The following KICS2 variants were observed in gnomAD, a reference collection of about 807,000 sequenced individuals.
KICS2 encodes KICSTOR complex protein C12orf66.
KICS2 carries 13 observed loss-of-function variants against 31.4 expected under a neutral mutation model. The ratio of observed to expected loss-of-function variants is 0.41; its 90% CI spans 0.27 to 0.66. The LOEUF is 0.66. KICS2 is among the 30% of genes least tolerant of loss of function. The pLI is 0.28. For missense variants in KICS2, 455 were observed against 545.4 expected, an observed-to-expected ratio of 0.83 and a Z score of 1.65; for synonymous variants, 209 against 214.8, an observed-to-expected ratio of 0.97 and a Z score of 0.24.
intron 1 of KICS2, 59 bp downstream of exon 1, chr12:64,221,944 T>TG: frequency 6.6e-7 from 1 of 1,517,248 alleles, no homozygotes; most frequent in Middle Eastern, 1.9e-4. Context: ...CACTGCCGAC[T>TG]GGGGAATATA....
chr12:64,201,751 G>A (rs368874622), intron 2 of KICS2, among the ~76,000 whole-genome samples: 4 of 150,944 alleles, frequency 2.6e-5, no homozygotes, highest in African/African-American at 9.7e-5. Flanking sequence ...GCTGAGGCAC[G>A]AGAATTGCTT....
chr12:64,194,179 T>C lies in KICS2; in HGVS notation c.1001A>G (p.His334Arg). ...ACCCTTGGGGGCCTCTCTGTAGGAA[T>C]GGGGGTGGTGATAACCATGACCCTG... ...SFQGHGYHHP[H>R]SYREAPKGVD... Residue 334 changes from histidine (H) to arginine (R), a missense_variant, in exon 3 of 3, where the codon CAT becomes CGT. Transcript: ENST00000398055. 3.1e-6 allele frequency: 5 copies of C among 1,614,134 alleles called. No homozygotes were observed. Among genetic ancestry groups the C allele is most frequent in the Non-Finnish European group, 4.2e-6 (5 of 1,180,022 alleles).
Position 64,191,694 on chromosome 12 carries a change from A to G in KICS2, c.*2148T>C, listed in dbSNP as rs1176894047. On this transcript the variant is annotated 3_prime_UTR_variant, in exon 3 of 3. Coordinates refer to ENST00000398055, the MANE Select transcript of KICS2 (RefSeq NM_152440.5). ...AATCTGCTGAGACTTTTTTTATAGA[A>G]CCTGAGTGAATAAAATGCAGAGGTA... 6 of 152,136 alleles carry G rather than the reference A, an allele frequency of 3.9e-5. No homozygotes were observed. Among genetic ancestry groups the G allele is most frequent in the African/African-American group, 1.4e-4 (6 of 41,416 alleles). 9.4% of individuals were successfully genotyped at this position (152,136 alleles called of 1,614,324 possible). A position where few individuals can be genotyped will look rare whatever the true frequency, so the allele number is the denominator to read the frequency against.
At chr12:64,207,236 G>A (rs1352785221) in intron 2 of KICS2, among the ~76,000 whole-genome samples, 4 of 148,202 alleles carry the variant, frequency 2.7e-5, no homozygotes, top group African/African-American at 1.0e-4. Flanking sequence ...CCCAGGAGGT[G>A]GAGGTTGCAG....
chr12:64,219,211 T>C (rs747793167), intron 1 of KICS2, among the ~76,000 whole-genome samples: 2 of 152,174 alleles, frequency 1.3e-5, no homozygotes, highest in Non-Finnish European at 2.9e-5. Flanking sequence ...TTTTTAAACA[T>C]CAGTTCTCAA....
chr12:64,189,989 T>C (rs985765969), downstream of KICS2, among the ~76,000 whole-genome samples: 9 of 152,110 alleles, frequency 5.9e-5, no homozygotes, highest in Admixed American at 4.6e-4. Context: ...GAAATCATAA[T>C]ATAGGAGAAC....
chr12:64,193,308 C>T lies in KICS2; in HGVS notation c.*534G>A, dbSNP rs1369351490. ...TCAATAACTGATAGAAATTTCTTAC[C>T]AAGACCCTAATTTTGGCATCAAAAA... On this transcript the variant is annotated 3_prime_UTR_variant, in exon 3 of 3. Coordinates refer to ENST00000398055, the MANE Select transcript of KICS2 (RefSeq NM_152440.5). The T allele has an allele frequency of 4.1e-5, 40 of 985,580 alleles. No homozygotes were observed. Among genetic ancestry groups the T allele is most frequent in the Non-Finnish European group, 4.8e-5 (40 of 830,196 alleles). The allele number at this position is 985,580 out of a possible 1,614,324, so 61.1% of individuals were successfully genotyped here. A position where few individuals can be genotyped will look rare whatever the true frequency, so the allele number is the denominator to read the frequency against.
At chr12:64,211,889 A>G (rs1464057624) in intron 2 of KICS2, among the ~76,000 whole-genome samples, 1 of 152,260 alleles carries the variant, frequency 6.6e-6, no homozygotes, top group African/African-American at 2.4e-5. Context: ...ATACAACGGC[A>G]GAAAATCAGT....
In KICS2 at chr12:64,192,529, G is replaced by A. The variant is rs2279740; in HGVS notation, c.*1313C>T. The A allele has an allele frequency of 0.28, 243,680 of 858,818 alleles. 35,181 individuals are homozygous for A. The highest frequency in any genetic ancestry group is 0.46 in the East Asian group (3,781 of 8,158). 53.2% of individuals were successfully genotyped at this position (858,818 alleles called of 1,614,324 possible). ...TGCTGATGTTGCTGGCATACCTGCTGTGGACACCCAGTAAAACAGTGGCTC... is the reference window on the plus strand; with the variant it reads ...TGCTGATGTTGCTGGCATACCTGCTATGGACACCCAGTAAAACAGTGGCTC... On this transcript the variant is annotated 3_prime_UTR_variant, in exon 3 of 3. Transcript: ENST00000398055.
chr12:64,220,243 G>A (rs1368132339), intron 1 of KICS2, among the ~76,000 whole-genome samples: 1 of 152,068 alleles, frequency 6.6e-6, no homozygotes, highest in East Asian at 1.9e-4. Flanking sequence ...TGCCAGCTGG[G>A]GTTCAAGCAG....
At chr12:64,213,576 C>A (rs1487735859) in intron 2 of KICS2, among the ~76,000 whole-genome samples, 10 of 152,174 alleles carry the variant, frequency 6.6e-5, no homozygotes, top group South Asian at 2.1e-4. Flanking sequence ...CACCTCCCCC[C>A]CTTTTCCTAC....
chr12:64,207,822 T>C (rs1168143245), intron 2 of KICS2, among the ~76,000 whole-genome samples: 1 of 152,200 alleles, frequency 6.6e-6, no homozygotes, highest in Non-Finnish European at 1.5e-5. Context: ...GCAGACTTAT[T>C]GTGGCAATAG....
intron 1 of KICS2, among the ~76,000 whole-genome samples, chr12:64,216,179 T>TTATGATAATCATAAATAC (rs543021671): frequency 6.6e-6 from 1 of 151,952 alleles, no homozygotes; most frequent in East Asian, 1.9e-4. Flanking sequence ...CATAAATACT[T>TTATGATAATCATAAATAC]TGATTCATAA....
intron 1 of KICS2, among the ~76,000 whole-genome samples, chr12:64,219,285 G>T (rs1484189455): frequency 6.6e-6 from 1 of 152,136 alleles, no homozygotes; most frequent in African/African-American, 2.4e-5. Flanking sequence ...CTCCAGTAAT[G>T]AAACAAAGGG....
chr12:64,187,536 G>C, downstream of KICS2: 1 of 1,135,082 alleles, frequency 8.8e-7, no homozygotes, highest in Non-Finnish European at 1.3e-6. Context: ...ATCAAGAGAA[G>C]TCTCCAAAGG....
In KICS2 at chr12:64,203,270, T is replaced by A. The variant is rs546605565; in HGVS notation, c.522-8612A>T. On this transcript the variant is annotated intron_variant, in intron 2 of 2. Transcript: ENST00000398055. Reference sequence around the variant, plus strand: ...CCTGCTGGTTATGGGCTGAACGAAGTTCTGTAACAGTAGACTAGAATGGCA... The same window carrying A: ...CCTGCTGGTTATGGGCTGAACGAAGATCTGTAACAGTAGACTAGAATGGCA... Among the ~76,000 whole-genome samples the A allele has an allele frequency of 1.2e-4, 19 of 152,330 alleles. No homozygotes were observed. The East Asian group carries it at 3.7e-3, about 29-fold the overall frequency.
At chr12:64,209,084 T>A (rs2037563040) in intron 2 of KICS2, among the ~76,000 whole-genome samples, 1 of 152,104 alleles carries the variant, frequency 6.6e-6, no homozygotes, top group Non-Finnish European at 1.5e-5. Context: ...AAAACCCAAG[T>A]TCTATTGCTC....
At chr12:64,209,947 A>G (rs147481539) in intron 2 of KICS2, among the ~76,000 whole-genome samples, 1,756 of 152,348 alleles carry the variant, frequency 0.012, 38 homozygotes, top group African/African-American at 0.04. Flanking sequence ...TCAATACAAC[A>G]GAATACCAAA....
At chr12:64,220,530 A>G (rs1000437554) in intron 1 of KICS2, among the ~76,000 whole-genome samples, 2 of 152,088 alleles carry the variant, frequency 1.3e-5, no homozygotes, top group Non-Finnish European at 2.9e-5. Flanking sequence ...ATTTCCATGG[A>G]TAAGTTAATA....
Sources: gnomAD v4.1 joint callset for allele counts (sites outside exome capture counted in the v4.1 genomes callset) on GRCh38, gnomAD v4.1.1 for gene constraint, MANE v1.5 for transcripts, NCBI Gene and HGNC (gene_info 2026-07-23, HGNC 2026-07-21) for gene names.